Variants in DLGAP2 observed in about 807,000 individuals in gnomAD.
DLGAP2 encodes the protein DLG associated protein 2.
In DLGAP2, 26 loss-of-function variants were observed where a neutral mutation model predicts 100.3. That is an observed-to-expected ratio of 0.26 (90% CI 0.19 to 0.36). The LOEUF is 0.36. Ranked by LOEUF, DLGAP2 falls within the 10% of genes least tolerant of loss-of-function variation. DLGAP2 has a pLI of 1.00. For missense variants in DLGAP2, 1,858 were observed against 1,453.2 expected (o/e 1.28, Z -4.53); for synonymous variants, 886 against 630.1 (o/e 1.41, Z -6.08).
At position 1,628,531 on chromosome 8, in the gene DLGAP2, T is replaced by A. The variant is rs1797565149; in HGVS notation, c.1590+1644T>A. Among the ~76,000 whole-genome samples, 4 of 150,150 alleles carry A rather than the reference T, an allele frequency of 2.7e-5. 1 individual carries two copies. The highest frequency in any genetic ancestry group is 9.9e-5 in the African/African-American group (4 of 40,414). On this transcript the variant is annotated intron_variant, in intron 7 of 14. Coordinates refer to ENST00000637795, the MANE Select transcript of DLGAP2 (RefSeq NM_001346810.2). ...CAGGAATTAAGAGCCTGAGCTGACC[T>A]CACATTCTGTCTGACTTACTGTGGA... is the stretch of plus-strand genomic sequence containing the variant.
At chr8:1,624,313 T>C (rs900788572) in intron 6 of DLGAP2, among the ~76,000 whole-genome samples, 9 of 151,868 alleles carry the variant, frequency 5.9e-5, no homozygotes, top group Admixed American at 5.9e-4. Flanking sequence ...TGCGGGAAGT[T>C]TACATTTCTG....
intron 2 of DLGAP2, among the ~76,000 whole-genome samples, chr8:1,172,439 A>G (rs1797148972): frequency 6.6e-6 from 1 of 151,956 alleles, no homozygotes; most frequent in Non-Finnish European, 1.5e-5. Flanking sequence ...CTGCCTTGCT[A>G]GATTGGGGAA....
At chr8:1,146,949 C>T (rs561261116) in intron 2 of DLGAP2, among the ~76,000 whole-genome samples, 4 of 152,332 alleles carry the variant, frequency 2.6e-5, no homozygotes, top group African/African-American at 7.2e-5. Context: ...TAAATTTCTC[C>T]TCTTCAGAAT....
At chr8:1,075,752 T>C (rs1803585366) in intron 2 of DLGAP2, among the ~76,000 whole-genome samples, 1 of 152,022 alleles carries the variant, frequency 6.6e-6, no homozygotes, top group Non-Finnish European at 1.5e-5. Context: ...GGCTGAGTGA[T>C]GAGCAGATGG....
chr8:996,571 A>C (rs999025353), intron 2 of DLGAP2, among the ~76,000 whole-genome samples: 8 of 152,360 alleles, frequency 5.3e-5, no homozygotes, highest in Admixed American at 2.0e-4. Flanking sequence ...GTTTGTTCTC[A>C]GTTCTCTCAT....
intron 3 of DLGAP2, among the ~76,000 whole-genome samples, chr8:1,342,775 T>G (rs1236320924): frequency 6.6e-6 from 1 of 152,238 alleles, no homozygotes; most frequent in African/African-American, 2.4e-5. Flanking sequence ...TGTGTTGAAG[T>G]GCCGGAAAGA....
At chr8:1,262,547 C>A (rs1799372751) in intron 3 of DLGAP2, 1 of 151,240 alleles carries the variant, frequency 6.6e-6, no homozygotes, top group Non-Finnish European at 1.5e-5. Context: ...GCAGAGACCT[C>A]TCCTGATAAT....
intron 3 of DLGAP2, among the ~76,000 whole-genome samples, chr8:1,348,501 T>C (rs563053584): frequency 1.3e-5 from 2 of 149,454 alleles, no homozygotes; most frequent in African/African-American, 4.9e-5. Flanking sequence ...CAGAGCTACA[T>C]TGCACTCATG....
intron 6 of DLGAP2, among the ~76,000 whole-genome samples, chr8:1,601,828 A>G (rs576260281): frequency 6.6e-6 from 1 of 152,142 alleles, no homozygotes; most frequent in Non-Finnish European, 1.5e-5. Context: ...CAATCCTTGC[A>G]TAATTAGTCA....
At chr8:1,522,776 T>C (rs1800652385) in intron 4 of DLGAP2, among the ~76,000 whole-genome samples, 1 of 152,188 alleles carries the variant, frequency 6.6e-6, no homozygotes, top group South Asian at 2.1e-4. Context: ...TGGTTCTAAA[T>C]AAATGAATCA....
chr8:766,693 C>G (rs944906960), intron 1 of DLGAP2, among the ~76,000 whole-genome samples: 3 of 152,150 alleles, frequency 2.0e-5, no homozygotes, highest in Admixed American at 6.5e-5. Flanking sequence ...GGTTTTCATT[C>G]TTTGAAAAGC....
chr8:1,526,425 C>G (rs563606232), intron 4 of DLGAP2, among the ~76,000 whole-genome samples: 1 of 152,026 alleles, frequency 6.6e-6, no homozygotes, highest in East Asian at 1.9e-4. Context: ...AGTGGTGGAG[C>G]TGGATTTAGA....
At chr8:993,639 C>T (rs772252329) in intron 2 of DLGAP2, among the ~76,000 whole-genome samples, 40 of 152,222 alleles carry the variant, frequency 2.6e-4, no homozygotes, top group East Asian at 1.9e-4. Context: ...CTGTATCAAG[C>T]GTCTCCTTCA....
At chr8:1,543,718 A>T (rs1252764789) in intron 4 of DLGAP2, among the ~76,000 whole-genome samples, 3 of 152,194 alleles carry the variant, frequency 2.0e-5, no homozygotes, top group Non-Finnish European at 4.4e-5. Flanking sequence ...CAAAAAAGCC[A>T]TGTGAGGTTT....
intron 4 of DLGAP2, among the ~76,000 whole-genome samples, chr8:1,510,070 T>A (rs1236011539): frequency 1.3e-5 from 2 of 152,250 alleles, no homozygotes; most frequent in Non-Finnish European, 2.9e-5. Context: ...TTCTGTAATT[T>A]TAGATTCTGA....
intron 2 of DLGAP2, among the ~76,000 whole-genome samples, chr8:1,147,160 T>C (rs1195744802): frequency 6.6e-6 from 1 of 152,222 alleles, no homozygotes; most frequent in African/African-American, 2.4e-5. Flanking sequence ...CTGAAGTTTC[T>C]CCCAGTGTTT....
chr8:1,353,407 C>T (rs909800130), intron 3 of DLGAP2, among the ~76,000 whole-genome samples: 7 of 152,194 alleles, frequency 4.6e-5, no homozygotes, highest in African/African-American at 1.4e-4. Flanking sequence ...CTTTCAGTAC[C>T]ATGGTCAATG....
intron 2 of DLGAP2, among the ~76,000 whole-genome samples, chr8:1,213,184 G>C (rs1159142210): frequency 5.3e-5 from 8 of 152,146 alleles, no homozygotes. Context: ...GATGTTATTA[G>C]CTGTTTTGCG....
At chr8:984,310 T>C (rs566476247) in intron 2 of DLGAP2, among the ~76,000 whole-genome samples, 1 of 152,338 alleles carries the variant, frequency 6.6e-6, no homozygotes, top group Non-Finnish European at 1.5e-5. Context: ...GATAATATTC[T>C]CTGCCTCTGT....
Sources: allele counts gnomAD v4.1 joint callset (sites outside exome capture counted in the v4.1 genomes callset), GRCh38; gene constraint gnomAD v4.1.1; transcripts MANE v1.5; gene names NCBI Gene and HGNC (gene_info 2026-07-23, HGNC 2026-07-21).